The following DMD variants were observed in gnomAD, a reference collection of about 807,000 sequenced individuals.
DMD encodes dystrophin, also known as mutant dystrophin.
In DMD, 63 loss-of-function variants were observed where a neutral mutation model predicts 330.1. That is an observed-to-expected ratio of 0.19 (90% CI 0.16 to 0.24). DMD has a LOEUF of 0.24. Ranked by LOEUF, DMD falls within the 10% of genes least tolerant of loss-of-function variation. The pLI is 1.00. For missense variants in DMD, 3,344 were observed against 2,684.1 expected, an observed-to-expected ratio of 1.25 and a Z score of -5.43; for synonymous variants, 1,223 against 959.8, an observed-to-expected ratio of 1.27 and a Z score of -5.07.
chrX:31,774,070 C>T lies in DMD; in HGVS notation c.7432G>A (p.Ala2478Thr). Residue 2478 changes from alanine (A) to threonine (T), a missense_variant, in exon 51 of 79, where the codon GCT becomes ACT. Ala to Thr is a moderately conservative substitution (Grantham distance 58). Transcript: ENST00000357033. Reference protein sequence around the residue: ...EVPALADFNRAWTELTDWLSL... With the variant: ...EVPALADFNRTWTELTDWLSL... ...AGCCAGTCGGTAAGTTCTGTCCAAG[C>T]CCGGTTGAAATCTGCCAGAGCAGGT... 1 of 1,210,739 alleles carries T rather than the reference C, an allele frequency of 8.3e-7. No individual in the cohort carries two copies. The highest frequency in any genetic ancestry group is 1.1e-6 in the Non-Finnish European group (1 of 895,175).
chrX:32,225,659 G>T (rs2097145343), intron 43 of DMD, among the ~76,000 whole-genome samples: 1 of 110,688 alleles, frequency 9.0e-6, no homozygotes, highest in African/African-American at 3.3e-5. Flanking sequence ...TCTTGGTACT[G>T]TCCTCATGAA....
intron 55 of DMD, among the ~76,000 whole-genome samples, chrX:31,599,300 C>T (rs191459643): frequency 1.6e-3 from 177 of 111,828 alleles, no homozygotes; most frequent in African/African-American, 5.5e-3. Context: ...CCTACAGTCT[C>T]GAAGGCATAA....
chrX:32,860,587 T>TG (rs1291020081), intron 2 of DMD, among the ~76,000 whole-genome samples: 3 of 111,515 alleles, frequency 2.7e-5, no homozygotes, highest in African/African-American at 6.5e-5. Context: ...TGATTTTTTT[T>TG]TTGTTTTCTT....
At chrX:33,071,521 C>T (rs761212704) in intron 1 of DMD, among the ~76,000 whole-genome samples, 1 of 110,078 alleles carries the variant, frequency 9.1e-6, no homozygotes, top group South Asian at 3.9e-4. Context: ...CTATAAGACA[C>T]CTTACATTTA....
intron 52 of DMD, among the ~76,000 whole-genome samples, chrX:31,717,010 G>T (rs1472901727): frequency 9.0e-6 from 1 of 110,897 alleles, no homozygotes; most frequent in African/African-American, 3.3e-5. Flanking sequence ...CTATCTGTGT[G>T]ATCTTATGCA....
chrX:31,617,811 A>C (rs1334726789), intron 55 of DMD, among the ~76,000 whole-genome samples: 1 of 111,521 alleles, frequency 9.0e-6, no homozygotes, highest in African/African-American at 3.3e-5. Flanking sequence ...TACCAAAGAC[A>C]TGGAATCAAC....
chrX:33,069,743 A>G (rs996546900), intron 1 of DMD, among the ~76,000 whole-genome samples: 2 of 111,856 alleles, frequency 1.8e-5, no homozygotes, highest in African/African-American at 6.5e-5. Context: ...CCATCATTTG[A>G]GAGAAAGTTT....
chrX:32,395,355 G>C (rs192769813), intron 30 of DMD, among the ~76,000 whole-genome samples: 2 of 109,343 alleles, frequency 1.8e-5, no homozygotes, highest in African/African-American at 6.6e-5. Context: ...AGATATATAA[G>C]TAAATTACAA....
chrX:33,184,800 C>T (rs1451093867), intron 1 of DMD, among the ~76,000 whole-genome samples: 56 of 103,435 alleles, frequency 5.4e-4, no homozygotes, highest in African/African-American at 1.9e-3. Flanking sequence ...CTTGGCTCAC[C>T]GCAACCTCCA....
chrX:32,636,599 C>T (rs984319425), intron 11 of DMD, among the ~76,000 whole-genome samples: 4 of 111,668 alleles, frequency 3.6e-5, no homozygotes, highest in South Asian at 3.7e-4. Context: ...TTCAACTATC[C>T]GAGGCAACAT....
chrX:31,700,045 G>A (rs1204472680), intron 52 of DMD, among the ~76,000 whole-genome samples: 2 of 109,879 alleles, frequency 1.8e-5, no homozygotes, highest in Non-Finnish European at 3.8e-5. Context: ...AATTAGCCAG[G>A]CGCAGTGGCA....
chrX:31,293,531 GATCT>G (rs1003116904), intron 62 of DMD, among the ~76,000 whole-genome samples: 4 of 111,050 alleles, frequency 3.6e-5, no homozygotes, highest in Non-Finnish European at 7.5e-5. Flanking sequence ...CATATTTTCT[GATCT>G]ATTTATTGAA....
At chrX:32,026,707 C>T (rs184181752) in intron 44 of DMD, among the ~76,000 whole-genome samples, 175 of 111,919 alleles carry the variant, frequency 1.6e-3, no homozygotes, top group Non-Finnish European at 2.9e-3. Context: ...TGTATGTATA[C>T]GTAAGAGGTT....
intron 50 of DMD, among the ~76,000 whole-genome samples, chrX:31,802,864 G>A (rs1223827705): frequency 2.7e-5 from 3 of 111,218 alleles, no homozygotes; most frequent in Non-Finnish European, 3.8e-5. Flanking sequence ...TGAAAACAGG[G>A]CCTGGATGAG....
chrX:31,475,979 C>A (rs12689904), intron 59 of DMD, among the ~76,000 whole-genome samples: 17,549 of 110,296 alleles, frequency 0.16, 1,152 homozygotes, highest in East Asian at 0.33. Context: ...ATGTTGCTGG[C>A]CCTGGGCTAG....
chrX:31,671,004 C>T (rs2081744176), intron 53 of DMD, among the ~76,000 whole-genome samples: 1 of 110,720 alleles, frequency 9.0e-6, no homozygotes, highest in South Asian at 3.9e-4. Context: ...ACTCTGCCTC[C>T]AGGGTTCGCG....
At chrX:31,265,537 G>T (rs1441884725) in intron 62 of DMD, among the ~76,000 whole-genome samples, 2 of 110,784 alleles carry the variant, frequency 1.8e-5, no homozygotes, top group Non-Finnish European at 3.8e-5. Context: ...GCTTTTCAAG[G>T]TTTAACTCCT....
At chrX:32,638,302 C>G (rs1302717888) in intron 11 of DMD, among the ~76,000 whole-genome samples, 1 of 111,206 alleles carries the variant, frequency 9.0e-6, no homozygotes, top group Non-Finnish European at 1.9e-5. Context: ...TTTAGAGCTC[C>G]TGAGAAAGTA....
intron 1 of DMD, among the ~76,000 whole-genome samples, chrX:33,045,027 A>C: frequency 9.0e-6 from 1 of 111,199 alleles, no homozygotes; most frequent in Admixed American, 9.6e-5. Context: ...AGTCCCAAAT[A>C]AAGGAGTAAT....
Sources: gnomAD v4.1 joint callset for allele counts (sites outside exome capture counted in the v4.1 genomes callset) on GRCh38, gnomAD v4.1.1 for gene constraint, MANE v1.5 for transcripts, NCBI Gene and HGNC (gene_info 2026-07-23, HGNC 2026-07-21) for gene names.